UBAP2: variants seen among roughly 807,000 people sequenced by gnomAD.
UBAP2 encodes ubiquitin-associated protein 2.
A neutral mutation model predicts 139.6 loss-of-function variants in UBAP2; 75 were observed. That is an observed-to-expected ratio of 0.54 (90% CI 0.45 to 0.65). UBAP2 has a LOEUF of 0.65. UBAP2 is among the 30% of genes least tolerant of loss of function. The pLI, the probability that UBAP2 is intolerant of heterozygous loss-of-function variation, is 0.00. For synonymous variants in UBAP2, 526 were observed against 526.2 expected, an observed-to-expected ratio of 1.00 and a Z score of 0.01; for missense variants, 1,368 against 1,369.6, an observed-to-expected ratio of 1.00 and a Z score of 0.02.
At chr9:34,033,884 C>T (rs893445634) in intron 1 of UBAP2, among the ~76,000 whole-genome samples, 4 of 152,006 alleles carry the variant, frequency 2.6e-5, no homozygotes, top group South Asian at 2.1e-4. Context: ...TACAGGCACC[C>T]ACCACCATGC....
At chr9:34,026,821 G>A (rs564947870) in intron 1 of UBAP2, among the ~76,000 whole-genome samples, 4 of 152,308 alleles carry the variant, frequency 2.6e-5, no homozygotes, top group Admixed American at 1.3e-4. Context: ...AGGACATTTG[G>A]CTCTACAGTG....
chr9:34,028,873 GACTGGGGTAATTAGGA>G, intron 1 of UBAP2, among the ~76,000 whole-genome samples: 1 of 152,188 alleles, frequency 6.6e-6, no homozygotes, highest in South Asian at 2.1e-4. Context: ...CCAGGCTGCA[GACTGGGGTAATTAGGA>G]ACTGGGCCGC....
chr9:33,953,215 TC>T, intron 12 of UBAP2, 69 bp downstream of exon 12: 2 of 1,378,386 alleles, frequency 1.5e-6, no homozygotes, highest in Middle Eastern at 3.7e-4. Flanking sequence ...AAAGCATGTA[TC>T]ATATTCTAGA....
intron 13 of UBAP2, among the ~76,000 whole-genome samples, chr9:33,946,413 A>G (rs1427059231): frequency 6.6e-6 from 1 of 152,212 alleles, no homozygotes; most frequent in Non-Finnish European, 1.5e-5. Context: ...ATGTTTAACT[A>G]TCTGACCCAC....
chr9:34,046,746 G>A (rs759304928), intron 1 of UBAP2, among the ~76,000 whole-genome samples: 4 of 151,646 alleles, frequency 2.6e-5, no homozygotes, highest in African/African-American at 4.8e-5. Flanking sequence ...ATACTTAAGA[G>A]GGTAGATACC....
rs1202143092 is a variant in UBAP2, at chr9:34,035,500, T to TAA, written c.-42+13323_-42+13324dup. Among the ~76,000 whole-genome samples, 89 of 36,676 alleles carry TAA rather than the reference T, an allele frequency of 2.4e-3. 13 individuals are homozygous for TAA. The highest frequency in any genetic ancestry group is 0.05 in the Middle Eastern group (2 of 40). 24.1% of individuals were successfully genotyped at this position (36,676 alleles called of 152,430 possible). A position where few individuals can be genotyped will look rare whatever the true frequency, so the allele number is the denominator to read the frequency against. ...CTGGGTGACAGAGCGAGACTCCATCTAAAAAAAAAAAAAAATATATATATA... is the reference window on the plus strand; with the variant it reads ...CTGGGTGACAGAGCGAGACTCCATCTAAAAAAAAAAAAAAAAATATATATATA... On this transcript the variant is annotated intron_variant, in intron 1 of 28. Transcript: ENST00000379238.
chr9:34,041,050 G>C (rs927679487), intron 1 of UBAP2, among the ~76,000 whole-genome samples: 2 of 152,006 alleles, frequency 1.3e-5, no homozygotes, highest in African/African-American at 4.8e-5. Context: ...GTCCACATGA[G>C]GACAAGTAAA....
At chr9:34,037,457 CTAATG>C (rs780422167) in intron 1 of UBAP2, among the ~76,000 whole-genome samples, 7 of 152,286 alleles carry the variant, frequency 4.6e-5, no homozygotes, top group Non-Finnish European at 8.8e-5. Flanking sequence ...TAAGTTTTTA[CTAATG>C]TAATTGTTGC....
At chr9:33,931,795 G>A (rs72727336) in intron 19 of UBAP2, among the ~76,000 whole-genome samples, 12,046 of 152,012 alleles carry the variant, frequency 0.079, 684 homozygotes, top group Non-Finnish European at 0.12. Context: ...TCCTCCATTC[G>A]TCTGCACCCT....
At chr9:34,020,442 A>G (rs1397241543) in intron 1 of UBAP2, among the ~76,000 whole-genome samples, 2 of 151,640 alleles carry the variant, frequency 1.3e-5, no homozygotes, top group Non-Finnish European at 2.9e-5. Context: ...CTCCTGTCTC[A>G]GCCTCCCGAA....
At position 33,931,752 on chromosome 9, in the gene UBAP2, T is replaced by C. The variant is rs1185991446; in HGVS notation, c.2175+810A>G. 2.0e-5 allele frequency among the ~76,000 whole-genome samples: 3 copies of C among 152,144 alleles called. No homozygotes were observed. The South Asian group carries it at 6.2e-4, about 31-fold the overall frequency. On this transcript the variant is annotated intron_variant, in intron 19 of 28. Transcript: ENST00000379238. ...ACTCTGCTGGTGAGCTGCTGTCTTCTTCAGAGGACACCAAGTTCATCAGTT... is the reference window on the plus strand; with the variant it reads ...ACTCTGCTGGTGAGCTGCTGTCTTCCTCAGAGGACACCAAGTTCATCAGTT...
chr9:33,962,675 A>ATT (rs879714939), intron 9 of UBAP2, among the ~76,000 whole-genome samples: 4,677 of 148,358 alleles, frequency 0.032, 100 homozygotes, highest in East Asian at 0.093. Context: ...TAAATAAATA[A>ATT]ATAAATAATT....
chr9:33,958,978 G>T (rs190774529), intron 10 of UBAP2, among the ~76,000 whole-genome samples: 52 of 151,818 alleles, frequency 3.4e-4, no homozygotes, highest in Middle Eastern at 3.4e-3. Flanking sequence ...GTGAAACCCC[G>T]TCTCTACTAA....
At chr9:33,962,453 C>A (rs1827120762) in intron 9 of UBAP2, among the ~76,000 whole-genome samples, 1 of 151,814 alleles carries the variant, frequency 6.6e-6, no homozygotes, top group Non-Finnish European at 1.5e-5. Flanking sequence ...CAAGACCAGC[C>A]TGGTCAATAT....
chr9:33,922,087 AC>A lies in UBAP2; in HGVS notation c.*416del, dbSNP rs1822935297. 1 of 168,448 alleles carries A rather than the reference AC, an allele frequency of 5.9e-6. No individual in the cohort carries two copies. Among genetic ancestry groups the A allele is most frequent in the African/African-American group, 2.4e-5 (1 of 41,872 alleles). 10.4% of individuals were successfully genotyped at this position (168,448 alleles called of 1,614,324 possible). A position where few individuals can be genotyped will look rare whatever the true frequency, so the allele number is the denominator to read the frequency against. ...AGAAAACAATTTCCAAAGGAGTGAG[AC>A]AAGTCGTGATTCTTCATTGGTACCT... is the stretch of plus-strand genomic sequence containing the variant. On this transcript the variant is annotated 3_prime_UTR_variant, in exon 29 of 29. Transcript: ENST00000379238.
upstream of UBAP2, among the ~76,000 whole-genome samples, chr9:34,049,151 C>T (rs958912773): frequency 1.3e-5 from 2 of 152,228 alleles, no homozygotes; most frequent in African/African-American, 2.4e-5. Flanking sequence ...TTACCCACCG[C>T]ATACAAGGTG....
chr9:34,028,361 C>CTTAT (rs143612468), intron 1 of UBAP2, among the ~76,000 whole-genome samples: 64,331 of 143,842 alleles, frequency 0.45, 15,545 homozygotes, highest in African/African-American at 0.63. Context: ...TAAACCCTGT[C>CTTAT]TTATTTATTT....
At chr9:33,945,453 T>A (rs1825585490) in intron 13 of UBAP2, among the ~76,000 whole-genome samples, 1 of 152,004 alleles carries the variant, frequency 6.6e-6, no homozygotes, top group Non-Finnish European at 1.5e-5. Context: ...TGAGCTGAGA[T>A]GGCGCCACTG....
At chr9:33,968,380 T>A (rs954750003) in intron 8 of UBAP2, 6 of 572,026 alleles carry the variant, frequency 1.0e-5, no homozygotes, top group Admixed American at 5.7e-5. Context: ...CATAAATTAT[T>A]CCTCTGGTGA....
Sources: allele counts gnomAD v4.1 joint callset (sites outside exome capture counted in the v4.1 genomes callset), GRCh38; gene constraint gnomAD v4.1.1; transcripts MANE v1.5; gene names NCBI Gene and HGNC (gene_info 2026-07-23, HGNC 2026-07-21).